The following HEPHL1 variants were observed in gnomAD, a reference collection of about 807,000 sequenced individuals.
HEPHL1 encodes ferroxidase HEPHL1.
HEPHL1 carries 123 observed loss-of-function variants against 122.0 expected under a neutral mutation model. The ratio of observed to expected loss-of-function variants is 1.01; its 90% confidence interval spans 0.87 to 1.17. HEPHL1 has a LOEUF of 1.17. Among genes scored for constraint, HEPHL1 ranks in the 50% most tolerant of loss-of-function variants. The probability of loss-of-function intolerance (pLI) is 0.00; values close to 1 mark genes in which losing one functional copy is unlikely to be tolerated. For missense variants in HEPHL1, 1,452 were observed against 1,430.5 expected (o/e 1.01, Z -0.24); for synonymous variants, 527 against 508.9 (o/e 1.04, Z -0.48).
At chr11:94,055,365 G>T (rs908108339) in intron 2 of HEPHL1, 24 of 223,054 alleles carry the variant, frequency 1.1e-4, no homozygotes, top group Admixed American at 3.0e-4. Context: ...CTCAAAGGTG[G>T]CTACTTAGTC....
chr11:94,035,348 TA>T (rs1341967379), intron 1 of HEPHL1, among the ~76,000 whole-genome samples: 4 of 152,226 alleles, frequency 2.6e-5, no homozygotes, highest in Admixed American at 2.0e-4. Flanking sequence ...TTTATTATTG[TA>T]CTCAAAACAA....
At chr11:94,096,259 C>T (rs1389794972) in intron 13 of HEPHL1, among the ~76,000 whole-genome samples, 1 of 152,192 alleles carries the variant, frequency 6.6e-6, no homozygotes, top group Non-Finnish European at 1.5e-5. Context: ...AAGGTCTGTT[C>T]TGCAGCTATT....
intron 12 of HEPHL1, among the ~76,000 whole-genome samples, chr11:94,090,109 C>CTT (rs148484314): frequency 1.3e-5 from 2 of 148,712 alleles, no homozygotes; most frequent in Admixed American, 6.8e-5. Context: ...CTTCTGGATA[C>CTT]TTTTTTTTTT....
At chr11:94,050,755 C>G (rs149110689) in intron 2 of HEPHL1, among the ~76,000 whole-genome samples, 47 of 152,234 alleles carry the variant, frequency 3.1e-4, no homozygotes, top group African/African-American at 1.1e-3. Context: ...AATAATAGGT[C>G]TTATTAATTC....
rs1946003931 is a variant in HEPHL1 at position 94,063,495 on chromosome 11, T to C, written c.416-13T>C. ...TATGTTTTACCTTTTTTTTTAATTTTATTTTTTGGAAGGAGCCCTATACCC... is the reference window on the plus strand; with the variant it reads ...TATGTTTTACCTTTTTTTTTAATTTCATTTTTTGGAAGGAGCCCTATACCC... On this transcript the variant is annotated splice_polypyrimidine_tract_variant and intron_variant, in intron 2 of 19. Coordinates refer to ENST00000315765, the MANE Select transcript of HEPHL1 (RefSeq NM_001098672.2). The C allele has an allele frequency of 1.9e-6, 3 of 1,559,630 alleles. No homozygotes were observed. The African/African-American group carries it at 4.1e-5, about 21-fold the overall frequency.
chr11:94,056,514 CAT>C (rs1945937122), intron 2 of HEPHL1, among the ~76,000 whole-genome samples: 1 of 152,026 alleles, frequency 6.6e-6, no homozygotes, highest in African/African-American at 2.4e-5. Context: ...GCCTATATAT[CAT>C]TGAGTTATTT....
At position 94,110,946 on chromosome 11, in the gene HEPHL1, G is replaced by T. The variant is rs964626655; in HGVS notation, c.3089G>T (p.Gly1030Val). The T allele has an allele frequency of 1.2e-6, 2 of 1,612,724 alleles. No individual in the cohort carries two copies. The highest frequency in any genetic ancestry group is 1.7e-6 in the Non-Finnish European group (2 of 1,179,522). ...YREDVYDLFP[G>V]TFQTIELFAD... ...GAAGATGTGTATGATCTCTTTCCTG[G>T]GACATTCCAAACCATTGAACTGTTT... The change falls in exon 18 of 20, where the codon GGG (glycine) becomes GTG (valine). Residue 1030 changes from glycine (G) to valine (V), a missense_variant. Transcript: ENST00000315765.
chr11:94,093,454 T>C, intron 12 of HEPHL1, 47 bp from the exon 13 acceptor site: 1 of 1,609,570 alleles, frequency 6.2e-7, no homozygotes. Flanking sequence ...CGCTCAAAGC[T>C]TTTCTGCTTT....
At chr11:94,103,129 G>A in intron 15 of HEPHL1, 109 bp downstream of exon 15, 1 of 704,426 alleles carries the variant, frequency 1.4e-6, no homozygotes, top group Admixed American at 2.3e-5. Context: ...ATGATTTAGA[G>A]CAAGGGTCTC....
intron 2 of HEPHL1, among the ~76,000 whole-genome samples, chr11:94,050,686 G>C (rs886878586): frequency 6.6e-6 from 1 of 151,958 alleles, no homozygotes; most frequent in African/African-American, 2.4e-5. Context: ...TACTCTTTTC[G>C]TTATTCTAAA....
chr11:94,103,104 A>G, intron 15 of HEPHL1, 84 bp downstream of exon 15: 1 of 782,078 alleles, frequency 1.3e-6, no homozygotes, highest in Non-Finnish European at 2.3e-6. Flanking sequence ...GGGTTGGTAT[A>G]TGTGAAAGCG....
intron 1 of HEPHL1, among the ~76,000 whole-genome samples, chr11:94,041,047 A>G (rs1291272216): frequency 1.6e-5 from 2 of 127,438 alleles, no homozygotes; most frequent in African/African-American, 3.0e-5. Context: ...AAATCAATGT[A>G]CAAAAATCAC....
Position 94,111,929 on chromosome 11 carries a change from T to A in HEPHL1, c.*35T>A. ...TCTCCCTCAACAGGAAAGGGTGATGTCCCACAGCTGGCCAGATGGCAGCCA... is the reference window on the plus strand; with the variant it reads ...TCTCCCTCAACAGGAAAGGGTGATGACCCACAGCTGGCCAGATGGCAGCCA... On this transcript the variant is annotated 3_prime_UTR_variant, in exon 20 of 20. Transcript: ENST00000315765. 1 of 1,451,794 alleles carries A rather than the reference T, an allele frequency of 6.9e-7. No homozygotes were observed. Among genetic ancestry groups the A allele is most frequent in the Admixed American group, 2.5e-5 (1 of 40,658 alleles). 89.9% of individuals were successfully genotyped at this position (1,451,794 alleles called of 1,614,324 possible). A position where few individuals can be genotyped will look rare whatever the true frequency, so the allele number is the denominator to read the frequency against.
chr11:94,104,656 C>T lies in HEPHL1; in HGVS notation c.2811C>T (p.Ser937=). The T allele has an allele frequency of 6.2e-7, 1 of 1,613,570 alleles. No homozygotes were observed. Among genetic ancestry groups the T allele is most frequent in the Non-Finnish European group, 8.5e-7 (1 of 1,179,574 alleles). ...LLFLVFNENE[S]WYLDDNIKKY... Reference sequence around the variant, plus strand: ...TTTTGGTATTTAATGAGAATGAATCCTGGTATCTGGATGACAATATTAAGA... The same window carrying T: ...TTTTGGTATTTAATGAGAATGAATCTTGGTATCTGGATGACAATATTAAGA... The change falls in exon 16 of 20, where the codon TCC becomes TCT. Residue 937 remains serine (S), a synonymous_variant. Transcript: ENST00000315765.
chr11:94,051,792 T>C (rs1038658006), intron 2 of HEPHL1, among the ~76,000 whole-genome samples: 2 of 152,084 alleles, frequency 1.3e-5, no homozygotes, highest in Admixed American at 1.3e-4. Flanking sequence ...TTTTAATCCA[T>C]TTTGATTTGA....
chr11:94,030,649 C>T (rs1945666427), intron 1 of HEPHL1, among the ~76,000 whole-genome samples: 1 of 152,188 alleles, frequency 6.6e-6, no homozygotes, highest in South Asian at 2.1e-4. Flanking sequence ...CTGCTTACAT[C>T]TGATTGGCTA....
chr11:94,065,918 T>A (rs1946030093), intron 4 of HEPHL1, among the ~76,000 whole-genome samples: 1 of 152,240 alleles, frequency 6.6e-6, no homozygotes, highest in Non-Finnish European at 1.5e-5. Flanking sequence ...GCACAATGGC[T>A]CATGCCTATA....
At chr11:94,110,709 T>C (rs1213823694) in intron 17 of HEPHL1, among the ~76,000 whole-genome samples, 194 bp from the exon 18 acceptor site, 3 of 152,254 alleles carry the variant, frequency 2.0e-5, no homozygotes, top group Non-Finnish European at 1.5e-5. Context: ...TTATTGATTT[T>C]ATTGATCTGT....
At chr11:94,071,074 C>T (rs1029624424) in intron 6 of HEPHL1, among the ~76,000 whole-genome samples, 1 of 152,076 alleles carries the variant, frequency 6.6e-6, no homozygotes, top group Non-Finnish European at 1.5e-5. Flanking sequence ...TGAAGTGAAA[C>T]CTTTGACTCT....
Sources: allele counts gnomAD v4.1 joint callset (sites outside exome capture counted in the v4.1 genomes callset), GRCh38; gene constraint gnomAD v4.1.1; transcripts MANE v1.5; gene names NCBI Gene and HGNC (gene_info 2026-07-23, HGNC 2026-07-21).